Variants in LYZL1 observed in about 807,000 individuals in gnomAD.
The protein encoded by LYZL1 is lysozyme-like protein 1.
In LYZL1, 16 loss-of-function variants were observed where a neutral mutation model predicts 17.9. The ratio of observed to expected loss-of-function variants is 0.90; its 90% CI spans 0.61 to 1.36. LYZL1 has a LOEUF of 1.36. Among genes scored for constraint, LYZL1 ranks in the 40% most tolerant of loss-of-function variants. The pLI is 0.00. For missense variants in LYZL1, 149 were observed against 188.4 expected (o/e 0.79, Z 1.22); for synonymous variants, 58 against 71.8 (o/e 0.81, Z 0.97).
At chr10:29,299,596 C>G (rs1283618775) in intron 3 of LYZL1, among the ~76,000 whole-genome samples, 1 of 152,060 alleles carries the variant, frequency 6.6e-6, no homozygotes, top group Non-Finnish European at 1.5e-5. Context: ...ATTTTTGAAG[C>G]TTTGTTATTA....
intron 3 of LYZL1, among the ~76,000 whole-genome samples, chr10:29,307,777 G>A (rs1415738902): frequency 6.6e-6 from 1 of 152,140 alleles, no homozygotes. Context: ...AATAAAACTA[G>A]AGTAAACCAC....
chr10:29,311,945 C>A (rs1005024949), downstream of LYZL1, among the ~76,000 whole-genome samples: 1 of 151,436 alleles, frequency 6.6e-6, no homozygotes, highest in African/African-American at 2.4e-5. Context: ...GGTGACAGAG[C>A]AAGACTCTGT....
intron 3 of LYZL1, among the ~76,000 whole-genome samples, chr10:29,300,004 C>G (rs1419608777): frequency 6.6e-6 from 1 of 152,156 alleles, no homozygotes; most frequent in Non-Finnish European, 1.5e-5. Flanking sequence ...TCAACCACGA[C>G]AGAGTGTGAA....
intron 3 of LYZL1, among the ~76,000 whole-genome samples, chr10:29,296,215 T>C (rs995990910): frequency 4.6e-5 from 7 of 152,064 alleles, no homozygotes; most frequent in African/African-American, 9.7e-5. Flanking sequence ...ATATACAAGA[T>C]AAATGGAAGA....
In LYZL1 at chr10:29,292,630, G is replaced by T; in HGVS notation, c.251G>T (p.Arg84Ile). ...IFQINSFAWCRRGKLKENNHC... is the reference protein window; with the variant it reads ...IFQINSFAWCIRGKLKENNHC... ...CAGATCAACAGCTTCGCGTGGTGCA[G>T]ACGCGGAAAGCTGAAGGAGAACAAC... The change falls in exon 3 of 5, where the codon AGA becomes ATA. Residue 84 changes from arginine to isoleucine, a missense_variant. Physicochemically the swap from Arg to Ile is moderately conservative, Grantham distance 97. Around this residue, in one of 2 missense-constraint regions of LYZL1, gnomAD observed 130 missense variants for 132.5 expected, o/e 0.98. Coordinates refer to ENST00000649382, the MANE Select transcript of LYZL1 (RefSeq NM_032517.6). The T allele has an allele frequency of 7.4e-6, 12 of 1,614,258 alleles. No homozygotes were observed. Among genetic ancestry groups the T allele is most frequent in the Non-Finnish European group, 1.0e-5 (12 of 1,180,046 alleles).
downstream of LYZL1, among the ~76,000 whole-genome samples, chr10:29,316,057 T>C (rs1468003082): frequency 6.6e-6 from 1 of 151,998 alleles, no homozygotes; most frequent in East Asian, 1.9e-4. Context: ...CACACAGCGA[T>C]GTCAGGGGAA....
At chr10:29,289,417 CTTT>C (rs11347424) in intron 1 of LYZL1, among the ~76,000 whole-genome samples, 187 bp downstream of exon 1, 4 of 128,714 alleles carry the variant, frequency 3.1e-5, no homozygotes, top group Non-Finnish European at 4.9e-5. Flanking sequence ...TTTTTCTTTT[CTTT>C]TTTTTTTTTT....
At chr10:29,317,222 G>A (rs1835743147) in intron 3 of LYZL1, 1 of 152,168 alleles carries the variant, frequency 6.6e-6, no homozygotes, top group Non-Finnish European at 1.5e-5. Context: ...AGGTTGTCCA[G>A]TACCATTTTC....
intron 3 of LYZL1, among the ~76,000 whole-genome samples, chr10:29,295,447 C>G (rs1448825711): frequency 6.6e-6 from 1 of 152,180 alleles, no homozygotes; most frequent in African/African-American, 2.4e-5. Flanking sequence ...CCCAGTCAAT[C>G]TTATTAGCAT....
At chr10:29,298,367 T>C (rs545588662) in intron 3 of LYZL1, among the ~76,000 whole-genome samples, 1 of 152,210 alleles carries the variant, frequency 6.6e-6, no homozygotes, top group Admixed American at 6.5e-5. Context: ...CTGGAAGATA[T>C]TATATGTATA....
rs145915305 is a variant in LYZL1 at position 29,318,274 on chromosome 10, C to G, written c.*262C>G. The G allele has an allele frequency of 5.8e-5, 42 of 723,986 alleles. No individual in the cohort carries two copies. In the African/African-American group the frequency reaches 8.1e-4, roughly 14 times the overall value. 44.8% of individuals were successfully genotyped at this position (723,986 alleles called of 1,614,324 possible). ...CTTGGTGAGGATGAAAAAACGAAAT[C>G]TATACTTGCCTTGAGAAAGCATTCA... On this transcript the variant is annotated 3_prime_UTR_variant and NMD_transcript_variant, in exon 5 of 5. Transcript: ENST00000494304.
At chr10:29,305,241 A>G (rs1277352813) in intron 3 of LYZL1, among the ~76,000 whole-genome samples, 26 of 152,268 alleles carry the variant, frequency 1.7e-4, no homozygotes, top group African/African-American at 2.4e-5. Flanking sequence ...TTGAACATGT[A>G]TCAGGTACCA....
At chr10:29,314,156 C>T (rs529535525), downstream of LYZL1, among the ~76,000 whole-genome samples, 1 of 152,276 alleles carries the variant, frequency 6.6e-6, no homozygotes, top group African/African-American at 2.4e-5. Flanking sequence ...TCAAGCCTGG[C>T]CCAGCCAACA....
At chr10:29,318,293 G>A in exon 5 of LYZL1, 3 of 556,050 alleles carry the variant, frequency 5.4e-6, no homozygotes, top group Non-Finnish European at 2.3e-6. Flanking sequence ...CCTTGAGAAA[G>A]CATTCATGCA....
chr10:29,306,853 A>T (rs1392818888), intron 3 of LYZL1, among the ~76,000 whole-genome samples: 9 of 150,152 alleles, frequency 6.0e-5, no homozygotes, highest in Non-Finnish European at 1.2e-4. Flanking sequence ...AGAGAGAGAG[A>T]GAGAGAGAGA....
rs1356229272 is a variant in LYZL1, at chr10:29,310,978, T to C, written c.378-12T>C. The C allele has an allele frequency of 1.9e-6, 3 of 1,614,020 alleles. No individual in the cohort carries two copies. Among genetic ancestry groups the C allele is most frequent in the Middle Eastern group, 1.6e-4 (1 of 6,082 alleles). Reference sequence around the variant, plus strand: ...CTTCTTTCTGCTGCTCCTGCTTCCCTCTCATCCTCAGGCAAGGCTGGAAGA... The same window carrying C: ...CTTCTTTCTGCTGCTCCTGCTTCCCCCTCATCCTCAGGCAAGGCTGGAAGA... On this transcript the variant is annotated splice_polypyrimidine_tract_variant and intron_variant, in intron 4 of 4. Transcript: ENST00000649382.
intron 3 of LYZL1, among the ~76,000 whole-genome samples, chr10:29,297,707 C>T (rs1427979469): frequency 1.3e-5 from 2 of 152,306 alleles, no homozygotes; most frequent in Admixed American, 6.5e-5. Context: ...TACTATTCAT[C>T]ATTTCAGAAA....
chr10:29,311,395 A>C (rs1835670960), downstream of LYZL1, among the ~76,000 whole-genome samples: 1 of 151,996 alleles, frequency 6.6e-6, no homozygotes, highest in Non-Finnish European at 1.5e-5. Context: ...AGACTCCCTC[A>C]TCTTCAGGGC....
intron 3 of LYZL1, among the ~76,000 whole-genome samples, chr10:29,307,676 G>C (rs1336554330): frequency 6.6e-6 from 1 of 152,112 alleles, no homozygotes; most frequent in Non-Finnish European, 1.5e-5. Flanking sequence ...TAATTTAAAT[G>C]GCTGTTTATT....
Sources: gnomAD v4.1 joint callset for allele counts (sites outside exome capture counted in the v4.1 genomes callset) on GRCh38, gnomAD v4.1.1 for gene constraint, gnomAD v4.1.1 regional missense constraint, MANE v1.5 for transcripts, NCBI Gene and HGNC (gene_info 2026-07-23, HGNC 2026-07-21) for gene names.